Variants in LMNTD1 observed in about 807,000 individuals in gnomAD.
LMNTD1 encodes lamin tail domain containing 1, also known as lamin tail domain-containing protein 1.
A neutral mutation model predicts 50.9 loss-of-function variants in LMNTD1; 35 were observed. The ratio of observed to expected loss-of-function variants is 0.69; its 90% CI spans 0.53 to 0.91. The LOEUF is 0.91. Among genes scored for constraint, LMNTD1 ranks in the 40% least tolerant of loss-of-function variants. LMNTD1 has a pLI of 0.00. For synonymous variants in LMNTD1, 153 were observed against 161.9 expected, an observed-to-expected ratio of 0.94 and a Z score of 0.42; for missense variants, 470 against 475.5, an observed-to-expected ratio of 0.99 and a Z score of 0.11.
At chr12:25,481,041 T>C (rs1243901052) in intron 9 of LMNTD1, among the ~76,000 whole-genome samples, 3 of 152,114 alleles carry the variant, frequency 2.0e-5, no homozygotes, top group Admixed American at 6.5e-5. Flanking sequence ...GTCCCAGTTA[T>C]ACCCCCCTCT....
In LMNTD1 at chr12:25,613,940, A is replaced by C. The variant is rs1362691726; in HGVS notation, c.58+34554T>G. 3.3e-5 allele frequency among the ~76,000 whole-genome samples: 5 copies of C among 152,078 alleles called. No homozygotes were observed. The South Asian group carries it at 1.0e-3, about 32-fold the overall frequency. ...GCAGCTGAGGGGCAACTAAGGGAGA[A>C]GATAGGCGGAAGCATTGGGAGAGGA... is the stretch of plus-strand genomic sequence containing the variant. On this transcript the variant is annotated intron_variant, in intron 1 of 7. Coordinates refer to the LMNTD1 transcript ENST00000445693.
At position 25,538,237 on chromosome 12, in the gene LMNTD1, T is replaced by A. The variant is rs1483026498; in HGVS notation, c.491+8137A>T. 1.4e-3 allele frequency among the ~76,000 whole-genome samples: 121 copies of A among 84,094 alleles called. 6 individuals are homozygous for A. The highest frequency in any genetic ancestry group is 4.4e-3 in the African/African-American group (119 of 26,842). 55.2% of individuals were successfully genotyped at this position (84,094 alleles called of 152,430 possible). On this transcript the variant is annotated intron_variant, in intron 4 of 9. Coordinates refer to ENST00000458174, the MANE Select transcript of LMNTD1 (RefSeq NM_001145728.2). ...AATACAGAGAACGCCACAAAGATAC[T>A]CCTCGAGACGAGCAACTCCAAGACA...
At chr12:25,569,798 T>C (rs559568352) in intron 1 of LMNTD1, among the ~76,000 whole-genome samples, 4 of 152,330 alleles carry the variant, frequency 2.6e-5, no homozygotes, top group African/African-American at 9.6e-5. Flanking sequence ...CCTTCCACCA[T>C]GATTGTAAGT....
chr12:25,585,225 C>T lies in LMNTD1; in HGVS notation c.59-38671G>A, dbSNP rs551240449. On this transcript the variant is annotated intron_variant, in intron 1 of 7. Coordinates refer to the LMNTD1 transcript ENST00000445693. ...TAAAGGCTCACCCTCAGCAAACTCT[C>T]TGCTCTTCCAGTTTCATTGGCAGTC... Among the ~76,000 whole-genome samples, 16 of 152,344 alleles carry T rather than the reference C, an allele frequency of 1.1e-4. No individual in the cohort carries two copies. The South Asian group carries it at 3.1e-3, about 30-fold the overall frequency.
chr12:25,527,411 G>T (rs566494593), intron 4 of LMNTD1, among the ~76,000 whole-genome samples: 1 of 151,344 alleles, frequency 6.6e-6, no homozygotes, highest in South Asian at 2.1e-4. Flanking sequence ...ATAAACATAG[G>T]ATGGTGTTTT....
chr12:25,481,249 T>A (rs1938434417), intron 9 of LMNTD1, among the ~76,000 whole-genome samples: 3 of 152,032 alleles, frequency 2.0e-5, no homozygotes, highest in Admixed American at 1.3e-4. Flanking sequence ...CTCGGTTTAT[T>A]TTCCAGCATA....
At chr12:25,554,811 C>G (rs909907270), upstream of LMNTD1, among the ~76,000 whole-genome samples, 1 of 152,138 alleles carries the variant, frequency 6.6e-6, no homozygotes, top group African/African-American at 2.4e-5. Flanking sequence ...CACCTGTAAT[C>G]CCAGCACTTT....
intron 1 of LMNTD1, among the ~76,000 whole-genome samples, chr12:25,632,645 A>T (rs1946745215): frequency 6.6e-6 from 1 of 152,210 alleles, no homozygotes; most frequent in Admixed American, 6.5e-5. Flanking sequence ...TGCTAAAAGG[A>T]GCTCTAAATC....
At chr12:25,528,561 C>T (rs1941978038) in intron 4 of LMNTD1, among the ~76,000 whole-genome samples, 1 of 152,194 alleles carries the variant, frequency 6.6e-6, no homozygotes, top group African/African-American at 2.4e-5. Context: ...CAACTTCTGC[C>T]ATCCTTCAAC....
At chr12:25,639,224 G>T (rs1946899783) in intron 1 of LMNTD1, among the ~76,000 whole-genome samples, 1 of 152,110 alleles carries the variant, frequency 6.6e-6, no homozygotes, top group African/African-American at 2.4e-5. Context: ...AGAAGAAAAT[G>T]TAGAAATAAA....
intron 1 of LMNTD1, among the ~76,000 whole-genome samples, chr12:25,607,838 T>C (rs1946148988): frequency 6.6e-6 from 1 of 152,222 alleles, no homozygotes; most frequent in South Asian, 2.1e-4. Context: ...GTTCTGTAGA[T>C]GTCTATTAGG....
At chr12:25,572,089 T>C (rs774209748) in intron 1 of LMNTD1, among the ~76,000 whole-genome samples, 41 of 152,218 alleles carry the variant, frequency 2.7e-4, no homozygotes, top group Middle Eastern at 3.2e-3. Context: ...GGATCCTCCA[T>C]TGATTTGCTA....
At chr12:25,627,774 T>C (rs573624727) in intron 1 of LMNTD1, among the ~76,000 whole-genome samples, 8 of 152,232 alleles carry the variant, frequency 5.3e-5, no homozygotes, top group African/African-American at 1.9e-4. Context: ...TAAATTAACT[T>C]TGGGGAAAAC....
At chr12:25,522,879 C>G (rs536040267) in intron 6 of LMNTD1, among the ~76,000 whole-genome samples, 2 of 152,218 alleles carry the variant, frequency 1.3e-5, no homozygotes, top group Non-Finnish European at 2.9e-5. Flanking sequence ...GTAGTTAATA[C>G]ATGGCAAAGC....
At chr12:25,575,229 C>T (rs829043) in intron 1 of LMNTD1, among the ~76,000 whole-genome samples, 97,253 of 151,960 alleles carry the variant, frequency 0.64, 32,882 homozygotes, top group Non-Finnish European at 0.77. Flanking sequence ...ATTTTTATTT[C>T]TCAACCTTTG....
intron 1 of LMNTD1, among the ~76,000 whole-genome samples, chr12:25,594,421 A>G (rs920550223): frequency 2.6e-5 from 4 of 152,118 alleles, no homozygotes; most frequent in Non-Finnish European, 5.9e-5. Flanking sequence ...GCCTCCTCAA[A>G]CAAAACAATT....
rs1943869085 is a variant in LMNTD1 at position 25,553,085 on chromosome 12, C to A, written c.-47G>T. 8 of 1,613,630 alleles carry A rather than the reference C, an allele frequency of 5.0e-6. No homozygotes were observed. The highest frequency in any genetic ancestry group is 6.8e-6 in the Non-Finnish European group (8 of 1,179,802). On this transcript the variant is annotated 5_prime_UTR_variant, in exon 1 of 10. The change creates a new upstream start codon in the 5' untranslated region. Coordinates refer to ENST00000458174, the MANE Select transcript of LMNTD1 (RefSeq NM_001145728.2). The stretch of plus-strand genomic sequence containing the variant: ...TGACCTCACCTGTTAATCCAACTAC[C>A]TTCAAGCATCAGCTAGGTTTAATAA...
At chr12:25,538,992 G>T (rs2136175050) in intron 4 of LMNTD1, among the ~76,000 whole-genome samples, 1 of 150,960 alleles carries the variant, frequency 6.6e-6, no homozygotes, top group Non-Finnish European at 1.5e-5. Context: ...ATTACATAAT[G>T]GTAATGGGAT....
At chr12:25,568,773 C>T (rs1944662854) in intron 1 of LMNTD1, among the ~76,000 whole-genome samples, 1 of 152,208 alleles carries the variant, frequency 6.6e-6, no homozygotes, top group Admixed American at 6.5e-5. Flanking sequence ...TCCTTGGCAG[C>T]TTCCACATGA....
Sources: allele counts gnomAD v4.1 joint callset (sites outside exome capture counted in the v4.1 genomes callset), GRCh38; gene constraint gnomAD v4.1.1; transcripts MANE v1.5; gene names NCBI Gene and HGNC (gene_info 2026-07-23, HGNC 2026-07-21).